The following MKKS variants were observed in gnomAD, a reference collection of about 807,000 sequenced individuals.
MKKS encodes the protein molecular chaperone MKKS.
In MKKS, 29 loss-of-function variants were observed where a neutral mutation model predicts 33.2. That is an observed-to-expected ratio of 0.87 (90% CI 0.65 to 1.19). MKKS has a LOEUF of 1.19. Among genes scored for constraint, MKKS ranks in the 50% most tolerant of loss-of-function variants. The pLI is 0.00. For synonymous variants in MKKS, 260 were observed against 244.0 expected (o/e 1.07, Z -0.61); for missense variants, 661 against 662.3 (o/e 1.00, Z 0.02).
intron 1 of MKKS, among the ~76,000 whole-genome samples, chr20:10,424,171 G>A (rs2064999141): frequency 6.6e-6 from 1 of 151,980 alleles, no homozygotes; most frequent in Non-Finnish European, 1.5e-5. Flanking sequence ...CCTTTTCACT[G>A]AGCAAGATGG....
chr20:10,431,024 T>C (rs1044381112), intron 1 of MKKS, among the ~76,000 whole-genome samples: 27 of 152,210 alleles, frequency 1.8e-4, no homozygotes, highest in Non-Finnish European at 2.1e-4. Context: ...CTCAATGTCA[T>C]GATCTGAAAT....
chr20:10,424,632 G>C (rs960060705), intron 1 of MKKS, among the ~76,000 whole-genome samples: 3 of 152,092 alleles, frequency 2.0e-5, no homozygotes, highest in African/African-American at 7.2e-5. Context: ...TAGTTAGCGA[G>C]GTAATGTGTT....
At chr20:10,431,403 A>G (rs532226503) in intron 1 of MKKS, among the ~76,000 whole-genome samples, 109 of 152,276 alleles carry the variant, frequency 7.2e-4, no homozygotes, top group African/African-American at 2.6e-3. Flanking sequence ...TAGCAAGACT[A>G]CTAGCCTCAG....
intron 2 of MKKS, among the ~76,000 whole-genome samples, chr20:10,420,206 A>C (rs867459235): frequency 3.0e-4 from 45 of 152,280 alleles, no homozygotes; most frequent in Middle Eastern, 3.4e-3. Context: ...GAAGAAAATA[A>C]TCTTGTATAA....
In MKKS at chr20:10,419,433, T is replaced by G. The variant is rs189459509; in HGVS notation, c.-418+1095A>C. ...CAAACGTGACAAATGCCAATAAAAT[T>G]TCTGCAGTGAAACTCAATTTTCATA... On this transcript the variant is annotated intron_variant, in intron 2 of 5. Coordinates refer to ENST00000347364, the MANE Select transcript of MKKS (RefSeq NM_170784.3). 1.6e-3 allele frequency among the ~76,000 whole-genome samples: 243 copies of G among 152,166 alleles called. 1 individual carries two copies. Among genetic ancestry groups the G allele is most frequent in the Middle Eastern group, 0.014 (4 of 294 alleles).
At chr20:10,430,734 C>G (rs1600862449) in intron 1 of MKKS, among the ~76,000 whole-genome samples, 1 of 152,080 alleles carries the variant, frequency 6.6e-6, no homozygotes. Flanking sequence ...AAAGTGAGAG[C>G]CAGGAAAGCT....
intron 1 of MKKS, among the ~76,000 whole-genome samples, chr20:10,433,208 G>C (rs2065067044): frequency 6.6e-6 from 1 of 152,214 alleles, no homozygotes; most frequent in African/African-American, 2.4e-5. Flanking sequence ...GTTTCGCCAC[G>C]TTGGCCTGGC....
chr20:10,425,517 T>C (rs2065009674), intron 1 of MKKS, among the ~76,000 whole-genome samples: 1 of 152,246 alleles, frequency 6.6e-6, no homozygotes, highest in Non-Finnish European at 1.5e-5. Flanking sequence ...GAAAGGTTCA[T>C]GATACTGAGA....
At chr20:10,407,843 C>G in intron 4 of MKKS, 117 bp from the exon 5 acceptor site, 1 of 820,496 alleles carries the variant, frequency 1.2e-6, no homozygotes, top group South Asian at 1.4e-5. Flanking sequence ...TACAAAAGAA[C>G]AAAACTTGTG....
intron 1 of MKKS, among the ~76,000 whole-genome samples, chr20:10,433,080 C>T (rs1051390286): frequency 6.6e-6 from 1 of 152,286 alleles, no homozygotes; most frequent in African/African-American, 2.4e-5. Flanking sequence ...CTCCGCTCAC[C>T]GCAACCTCCG....
Position 10,413,164 on chromosome 20 carries a change from A to C in MKKS, c.351T>G (p.Ile117Met). Residue 117 changes from isoleucine (I) to methionine (M), a missense_variant, in exon 3 of 6, where the codon ATT becomes ATG. By Grantham distance (10) the Ile-to-Met change is conservative (BLOSUM62 1). Transcript: ENST00000347364. ...GACTCAAAAGATGTTTATTTAATCT[A>C]ATGACAGTGGTGGGTGTCAAGCCTA... is the stretch of plus-strand genomic sequence containing the variant. ...QRLGLTPTTVIRLNKHLLSLC... is the reference protein window; with the variant it reads ...QRLGLTPTTVMRLNKHLLSLC... 1 of 1,614,226 alleles carries C rather than the reference A, an allele frequency of 6.2e-7. No individual in the cohort carries two copies. The highest frequency in any genetic ancestry group is 1.3e-5 in the African/African-American group (1 of 75,078).
chr20:10,405,318 C>T lies in MKKS; in HGVS notation c.1642G>A (p.Gly548Ser). 1 of 1,614,064 alleles carries T rather than the reference C, an allele frequency of 6.2e-7. No homozygotes were observed. The highest frequency in any genetic ancestry group is 8.5e-7 in the Non-Finnish European group (1 of 1,179,940). ...TLDCLTAKLSGLQVAVETANL... is the reference protein window; with the variant it reads ...TLDCLTAKLSSLQVAVETANL... ...GCTGTCTCTACAGCCACCTGTAGGC[C>T]ACTAAGCTTTGCAGTCAAACAGTCC... The change falls in exon 6 of 6, where the codon GGC becomes AGC. Residue 548 changes from glycine to serine, a missense_variant. Gly to Ser is a moderately conservative substitution (Grantham distance 56). Coordinates refer to ENST00000347364, the MANE Select transcript of MKKS (RefSeq NM_170784.3).
At chr20:10,421,356 G>A (rs1309273030) in intron 1 of MKKS, among the ~76,000 whole-genome samples, 3 of 150,988 alleles carry the variant, frequency 2.0e-5, no homozygotes, top group East Asian at 3.9e-4. Flanking sequence ...CTTGGGAGGT[G>A]GAGGTTGCAG....
chr20:10,432,637 T>C (rs2065061428), intron 1 of MKKS, among the ~76,000 whole-genome samples: 1 of 151,824 alleles, frequency 6.6e-6, no homozygotes, highest in African/African-American at 2.4e-5. Context: ...TACTAAAAAA[T>C]ACAAAAATTA....
At chr20:10,433,782 G>T (rs571724141) in intron 1 of MKKS, among the ~76,000 whole-genome samples, 1 of 152,132 alleles carries the variant, frequency 6.6e-6, no homozygotes, top group African/African-American at 2.4e-5. Context: ...GGAGGGGACG[G>T]GGAGTCACAG....
At chr20:10,411,931 T>C (rs946381951) in intron 3 of MKKS, among the ~76,000 whole-genome samples, 5 of 152,222 alleles carry the variant, frequency 3.3e-5, no homozygotes, top group Non-Finnish European at 7.3e-5. Flanking sequence ...ACCAAATATA[T>C]TTCGGTCAAT....
At chr20:10,429,152 C>T (rs1165978755) in intron 1 of MKKS, among the ~76,000 whole-genome samples, 2 of 152,200 alleles carry the variant, frequency 1.3e-5, no homozygotes, top group African/African-American at 2.4e-5. Context: ...CCCATTCCAT[C>T]TTCAAACCCA....
intron 1 of MKKS, among the ~76,000 whole-genome samples, chr20:10,423,923 T>G (rs2064997727): frequency 6.6e-6 from 1 of 152,218 alleles, no homozygotes; most frequent in Admixed American, 6.5e-5. Flanking sequence ...GCTTTAATGT[T>G]TACTGAACAT....
Position 10,402,578 on chromosome 20 carries a change from G to C in MKKS, c.*2669C>G, listed in dbSNP as rs1038427910. 7 of 152,130 alleles carry C rather than the reference G, an allele frequency of 4.6e-5. No individual in the cohort carries two copies. Among genetic ancestry groups the C allele is most frequent in the Non-Finnish European group, 1.0e-4 (7 of 68,018 alleles). 9.4% of individuals were successfully genotyped at this position (152,130 alleles called of 1,614,324 possible). On this transcript the variant is annotated 3_prime_UTR_variant, in exon 6 of 6. Coordinates refer to ENST00000347364, the MANE Select transcript of MKKS (RefSeq NM_170784.3). ...TTGTATGGCAAAGCTAAAAATGATAGAATTTAAAAAGTGGCTATCGTGAAA... is the reference window on the plus strand; with the variant it reads ...TTGTATGGCAAAGCTAAAAATGATACAATTTAAAAAGTGGCTATCGTGAAA...
Sources: allele counts gnomAD v4.1 joint callset (sites outside exome capture counted in the v4.1 genomes callset), GRCh38; gene constraint gnomAD v4.1.1; transcripts MANE v1.5; gene names NCBI Gene and HGNC (gene_info 2026-07-23, HGNC 2026-07-21).